YWHAQ: variants seen among roughly 807,000 people sequenced by gnomAD.
YWHAQ encodes the protein tyrosine 3-monooxygenase/tryptophan 5-monooxygenase activation protein theta, also known as 14-3-3 protein theta.
Under a neutral mutation model 28.3 loss-of-function variants are expected in YWHAQ, and 6 were observed. The observed-to-expected ratio is 0.21, with a 90% CI of 0.12 to 0.42. The LOEUF (loss-of-function observed/expected upper bound fraction) is 0.42. YWHAQ is among the 10% of genes least tolerant of loss of function. The pLI, the probability that YWHAQ is intolerant of heterozygous loss-of-function variation, is 1.00. For synonymous variants in YWHAQ, 143 were observed against 119.1 expected (o/e 1.20, Z -1.31); for missense variants, 201 against 305.6 (o/e 0.66, Z 2.55).
intron 2 of YWHAQ, among the ~76,000 whole-genome samples, chr2:9,612,272 C>T (rs1232697809): frequency 6.6e-6 from 1 of 152,226 alleles, no homozygotes; most frequent in Non-Finnish European, 1.5e-5. Flanking sequence ...CCAGTTTACA[C>T]CTTGCTGCCA....
intron 2 of YWHAQ, among the ~76,000 whole-genome samples, chr2:9,600,370 A>G (rs1666666797): frequency 6.6e-6 from 1 of 152,202 alleles, no homozygotes; most frequent in South Asian, 2.1e-4. Flanking sequence ...AAGAAATTCT[A>G]TTCTAGCTGA....
At position 9,630,489 on chromosome 2, in the gene YWHAQ, G is replaced by C. The variant is rs773424346; in HGVS notation, c.-37C>G. 6 of 1,532,760 alleles carry C rather than the reference G, an allele frequency of 3.9e-6. No individual in the cohort carries two copies. The highest frequency in any genetic ancestry group is 5.2e-6 in the Non-Finnish European group (6 of 1,143,672). The allele number at this position is 1,532,760 out of a possible 1,614,324, so 94.9% of individuals were successfully genotyped here. A position where few individuals can be genotyped will look rare whatever the true frequency, so the allele number is the denominator to read the frequency against. On this transcript the variant is annotated 5_prime_UTR_variant, in exon 2 of 6. Coordinates refer to ENST00000238081, the MANE Select transcript of YWHAQ (RefSeq NM_006826.4). The surrounding 1 kb of genome is among the most constrained non-coding windows in gnomAD (Gnocchi z 5.6). Reference sequence around the variant, plus strand: ...GGCCGGGGCCGGGGCGGAGGGCGAGGAGAGCGAGGGCGAGCGCCGACCCGC... The same window carrying C: ...GGCCGGGGCCGGGGCGGAGGGCGAGCAGAGCGAGGGCGAGCGCCGACCCGC...
intron 2 of YWHAQ, among the ~76,000 whole-genome samples, chr2:9,622,873 C>T (rs1667169259): frequency 6.6e-6 from 1 of 152,164 alleles, no homozygotes; most frequent in South Asian, 2.1e-4. Context: ...ATAAACTTTG[C>T]TTCTCTTCAC....
At chr2:9,601,748 C>T (rs551305565) in intron 2 of YWHAQ, among the ~76,000 whole-genome samples, 2 of 152,182 alleles carry the variant, frequency 1.3e-5, no homozygotes, top group South Asian at 2.1e-4. Flanking sequence ...CGGGTTCAAG[C>T]GATTCTCCGG....
chr2:9,622,372 T>C (rs1379021782), intron 2 of YWHAQ, among the ~76,000 whole-genome samples: 1 of 152,182 alleles, frequency 6.6e-6, no homozygotes, highest in East Asian at 1.9e-4. Flanking sequence ...ACCTAGCATG[T>C]TTTTGAAATT....
chr2:9,629,408 C>A (rs1573010271), intron 2 of YWHAQ, among the ~76,000 whole-genome samples: 1 of 152,196 alleles, frequency 6.6e-6, no homozygotes, highest in African/African-American at 2.4e-5. Flanking sequence ...TGAATCACAG[C>A]AGCCACCTAC....
chr2:9,601,355 G>A (rs903328031), intron 2 of YWHAQ, among the ~76,000 whole-genome samples: 7 of 151,996 alleles, frequency 4.6e-5, no homozygotes, highest in Admixed American at 4.6e-4. Context: ...CCAGCTACTC[G>A]GGAGGCTGAG....
At chr2:9,603,072 A>C (rs1416595806) in intron 2 of YWHAQ, among the ~76,000 whole-genome samples, 1 of 151,180 alleles carries the variant, frequency 6.6e-6, no homozygotes, top group Non-Finnish European at 1.5e-5. Flanking sequence ...TAAGGAACAA[A>C]GTAATTTTTA....
intron 2 of YWHAQ, 28 bp from the exon 3 acceptor site, chr2:9,591,543 C>G (rs1666456092): frequency 6.3e-7 from 1 of 1,587,686 alleles, no homozygotes; most frequent in Non-Finnish European, 8.6e-7. Context: ...GAACATTAGG[C>G]ACTAAACTTC....
intron 2 of YWHAQ, among the ~76,000 whole-genome samples, chr2:9,613,173 G>C (rs1235427179): frequency 1.3e-5 from 2 of 152,018 alleles, no homozygotes; most frequent in Admixed American, 6.6e-5. Flanking sequence ...AGTGTTATTG[G>C]GCCTTCATAT....
intron 2 of YWHAQ, among the ~76,000 whole-genome samples, chr2:9,598,196 A>T (rs1450120177): frequency 6.6e-6 from 1 of 152,114 alleles, no homozygotes; most frequent in Non-Finnish European, 1.5e-5. Context: ...GACACCACAC[A>T]GAAGACATCA....
chr2:9,608,323 G>A (rs1007030807), intron 2 of YWHAQ, among the ~76,000 whole-genome samples: 5 of 152,096 alleles, frequency 3.3e-5, no homozygotes, highest in Admixed American at 2.6e-4. Flanking sequence ...ACAGCAATAA[G>A]TGAAAGTTTA....
chr2:9,600,600 G>A (rs1165179783), intron 2 of YWHAQ, among the ~76,000 whole-genome samples: 2 of 152,104 alleles, frequency 1.3e-5, no homozygotes, highest in East Asian at 3.9e-4. Flanking sequence ...AGCTACTTGG[G>A]AGGCTAAAGA....
At chr2:9,593,581 G>A (rs1049286687) in intron 2 of YWHAQ, among the ~76,000 whole-genome samples, 1 of 151,684 alleles carries the variant, frequency 6.6e-6, no homozygotes, top group South Asian at 2.1e-4. Context: ...AGCACTCTGG[G>A]AAGTAGAGGC....
chr2:9,594,254 T>C (rs1313309754), intron 2 of YWHAQ, among the ~76,000 whole-genome samples: 5 of 152,164 alleles, frequency 3.3e-5, no homozygotes, highest in Admixed American at 1.3e-4. Context: ...ACATCACCAA[T>C]ATAATTTTAA....
At chr2:9,613,101 T>G (rs181565038) in intron 2 of YWHAQ, among the ~76,000 whole-genome samples, 13 of 152,328 alleles carry the variant, frequency 8.5e-5, no homozygotes, top group Non-Finnish European at 1.3e-4. Flanking sequence ...TCTAGCACCC[T>G]ACTACCTCTT....
At chr2:9,602,286 G>A (rs941112038) in intron 2 of YWHAQ, among the ~76,000 whole-genome samples, 4 of 152,050 alleles carry the variant, frequency 2.6e-5, no homozygotes, top group African/African-American at 9.6e-5. Context: ...AATTAGCCAG[G>A]CATGGTGCCT....
At chr2:9,611,349 C>T (rs7597961) in intron 2 of YWHAQ, among the ~76,000 whole-genome samples, 23,589 of 152,162 alleles carry the variant, frequency 0.16, 2,419 homozygotes, top group African/African-American at 0.29. Flanking sequence ...CTAGTCATGT[C>T]AACACAGTAC....
At chr2:9,620,905 G>A (rs1281791859) in intron 2 of YWHAQ, among the ~76,000 whole-genome samples, 1 of 152,156 alleles carries the variant, frequency 6.6e-6, no homozygotes, top group Non-Finnish European at 1.5e-5. Flanking sequence ...TCGTAGAACA[G>A]CAGTTCTACT....
Sources: gnomAD v4.1 joint callset for allele counts (sites outside exome capture counted in the v4.1 genomes callset) on GRCh38, gnomAD v4.1.1 for gene constraint, Gnocchi (gnomAD v3.1) non-coding constraint, MANE v1.5 for transcripts, NCBI Gene and HGNC (gene_info 2026-07-23, HGNC 2026-07-21) for gene names.